Variants in UBXN11 observed in about 807,000 individuals in gnomAD.
The protein encoded by UBXN11 is UBX domain-containing protein 11.
Under a neutral mutation model 62.8 loss-of-function variants are expected in UBXN11, and 47 were observed. The ratio of observed to expected loss-of-function variants is 0.75; its 90% confidence interval spans 0.59 to 0.95. UBXN11 has a LOEUF of 0.95. UBXN11 is among the 40% of genes least tolerant of loss of function. The pLI is 0.00. For missense variants in UBXN11, 638 were observed against 661.7 expected, an observed-to-expected ratio of 0.96 and a Z score of 0.39; for synonymous variants, 294 against 267.0, an observed-to-expected ratio of 1.10 and a Z score of -0.99.
Position 26,282,668 on chromosome 1 carries a change from C to T in UBXN11, c.1273G>A (p.Ala425Thr), listed in dbSNP as rs1381314574. ...QPDNTIGDVR[A>T]LLAQARVMDA... ...ACCCACCTGGCCTGCGCTAGCAGAG[C>T]TCGCACGTCCCCAATGGTGTTGTCA... is the stretch of plus-strand genomic sequence containing the variant. The change falls in exon 14 of 15, where the codon GCT (alanine) becomes ACT (threonine). Residue 425 changes from alanine to threonine, a missense_variant. Physicochemically the swap from Ala to Thr is moderately conservative, Grantham distance 58. Coordinates refer to ENST00000374222, the MANE Select transcript of UBXN11 (RefSeq NM_001389556.1). 2 of 1,614,022 alleles carry T rather than the reference C, an allele frequency of 1.2e-6. No homozygotes were observed. Among genetic ancestry groups the T allele is most frequent in the Non-Finnish European group, 1.7e-6 (2 of 1,180,048 alleles).
rs1368541449 is a variant in UBXN11 at position 26,285,526 on chromosome 1, T to C, written c.790A>G (p.Ile264Val). ...DPSTQRCLRDILDGFFPSELQ... is the reference protein window; with the variant it reads ...DPSTQRCLRDVLDGFFPSELQ... ...TCTGAGGGAAAGAAGCCATCCAATA[T>C]GTCTCGGAGGCAGCGCTGCAAGGGA... Residue 264 changes from isoleucine to valine, a missense_variant, in exon 10 of 15, where the codon ATA becomes GTA. Ile to Val is a conservative substitution (Grantham distance 29, BLOSUM62 3). Coordinates refer to ENST00000374222, the MANE Select transcript of UBXN11 (RefSeq NM_001389556.1). The C allele has an allele frequency of 2.5e-6, 4 of 1,591,196 alleles. No homozygotes were observed. Among genetic ancestry groups the C allele is most frequent in the African/African-American group, 2.7e-5 (2 of 74,308 alleles).
Position 26,312,922 on chromosome 1 carries a change from T to C in UBXN11, c.-149+5125A>G, listed in dbSNP as rs919228028. Among the ~76,000 whole-genome samples the C allele has an allele frequency of 1.3e-4, 17 of 130,114 alleles. No homozygotes were observed. The Admixed American group carries it at 1.4e-3, about 11-fold the overall frequency. The allele number at this position is 130,114 out of a possible 152,430, so 85.4% of individuals were successfully genotyped here. A position where few individuals can be genotyped will look rare whatever the true frequency, so the allele number is the denominator to read the frequency against. On this transcript the variant is annotated intron_variant, in intron 1 of 14. Transcript: ENST00000374217. ...TGAACCTAGGAGGTGGAGGTTGCAG[T>C]GAACTGAGATCCCGCCATTGCACTC...
At chr1:26,283,047 A>G in intron 12 of UBXN11, 110 bp from the exon 13 acceptor site, 1 of 1,397,980 alleles carries the variant, frequency 7.2e-7, no homozygotes, top group Non-Finnish European at 1.0e-6. Context: ...CCAGTGAGCA[A>G]AGCGGGAGGG....
At chr1:26,300,787 G>A in intron 4 of UBXN11, 139 bp downstream of exon 4, 1 of 1,421,452 alleles carries the variant, frequency 7.0e-7, no homozygotes, top group Non-Finnish European at 9.4e-7. Flanking sequence ...CCAGGTCCCT[G>A]CCACAATCAG....
At chr1:26,292,380 G>A (rs1557683764) in intron 8 of UBXN11, among the ~76,000 whole-genome samples, 1 of 152,152 alleles carries the variant, frequency 6.6e-6, no homozygotes, top group Admixed American at 6.5e-5. Flanking sequence ...TCAGCTGGGT[G>A]TGGTGGCACG....
chr1:26,315,045 G>T (rs2073779117), intron 1 of UBXN11, among the ~76,000 whole-genome samples: 1 of 151,946 alleles, frequency 6.6e-6, no homozygotes, highest in African/African-American at 2.4e-5. Flanking sequence ...TGCACCACTT[G>T]TACTCCAGCC....
intron 7 of UBXN11, 81 bp downstream of exon 7, chr1:26,296,838 C>T (rs913810572): frequency 3.3e-5 from 48 of 1,452,346 alleles, no homozygotes; most frequent in African/African-American, 1.3e-4. Context: ...GAGGTGGGCT[C>T]GGACCCAGCT....
intron 1 of UBXN11, among the ~76,000 whole-genome samples, chr1:26,316,692 TGCA>T (rs2073798587): frequency 1.3e-5 from 2 of 152,096 alleles, no homozygotes; most frequent in African/African-American, 4.8e-5. Flanking sequence ...TAACACCTGC[TGCA>T]GGGCACCACA....
chr1:26,314,454 A>G (rs1162839457), intron 1 of UBXN11, among the ~76,000 whole-genome samples: 1 of 152,194 alleles, frequency 6.6e-6, no homozygotes, highest in Non-Finnish European at 1.5e-5. Context: ...CAAGTGGCAT[A>G]CTTTTAGGAG....
chr1:26,306,686 T>G (rs974758369), upstream of UBXN11: 1 of 152,146 alleles, frequency 6.6e-6, no homozygotes, highest in Non-Finnish European at 1.5e-5. Flanking sequence ...TTGGCTAGTT[T>G]GAGGGAGGCC....
At chr1:26,317,949 GAAGCCT>G in intron 1 of UBXN11, 1 of 1,411,470 alleles carries the variant, frequency 7.1e-7, no homozygotes, top group Admixed American at 1.8e-5. Flanking sequence ...TAAACCAAAA[GAAGCCT>G]CCAGACAGCC....
chr1:26,301,193 T>C, intron 3 of UBXN11, 169 bp from the exon 4 acceptor site: 3 of 1,352,802 alleles, frequency 2.2e-6, no homozygotes, highest in Non-Finnish European at 2.0e-6. Context: ...GGGGCTGTTT[T>C]GGAGTTCTTC....
chr1:26,297,296 C>A (rs2073417009), intron 6 of UBXN11, 131 bp downstream of exon 6: 1 of 1,115,896 alleles, frequency 9.0e-7, no homozygotes, highest in African/African-American at 1.6e-5. Context: ...GTGGGCTCAG[C>A]TGTCCAGACC....
chr1:26,318,000 C>T (rs549858396), intron 1 of UBXN11: 2 of 1,613,646 alleles, frequency 1.2e-6, no homozygotes, highest in African/African-American at 1.3e-5. Context: ...CCAAGACAGC[C>T]ACGAAGATCC....
At chr1:26,301,138 G>C (rs979158411) in intron 3 of UBXN11, 114 bp from the exon 4 acceptor site, 1 of 1,560,424 alleles carries the variant, frequency 6.4e-7, no homozygotes, top group East Asian at 2.3e-5. Context: ...GGGAGTTTGA[G>C]GAGAGAGAAT....
chr1:26,295,041 A>G (rs2073360691), intron 7 of UBXN11, among the ~76,000 whole-genome samples: 1 of 152,006 alleles, frequency 6.6e-6, no homozygotes. Context: ...CCAAATATAT[A>G]CGACAGAACC....
Position 26,296,959 on chromosome 1 carries a change from G to A in UBXN11, c.392C>T (p.Thr131Met), listed in dbSNP as rs371399320. ...CTGCCGCTGCAGCTGCACACACATC[G>A]TCTCCAGTTCCTCCTGCCGCTGCAG... Reference protein sequence around the residue: ...ATLQRQEELETMCVQLQRQVR... With the variant: ...ATLQRQEELEMMCVQLQRQVR... Residue 131 changes from threonine to methionine, a missense_variant, in exon 7 of 15, where the codon ACG becomes ATG. By Grantham distance (81) the Thr-to-Met change is moderately conservative (BLOSUM62 -1). Transcript: ENST00000374222. 2.2e-5 allele frequency: 35 copies of A among 1,607,676 alleles called. No homozygotes were observed. The highest frequency in any genetic ancestry group is 1.9e-4 in the African/African-American group (14 of 74,828).
intron 12 of UBXN11, 79 bp downstream of exon 12, chr1:26,284,063 G>C: frequency 7.1e-7 from 1 of 1,400,928 alleles, no homozygotes; most frequent in Non-Finnish European, 9.7e-7. Context: ...CTTCTGACAA[G>C]ACACTGTTCT....
At chr1:26,304,526 G>T (rs888159633) in intron 1 of UBXN11, among the ~76,000 whole-genome samples, 4 of 152,170 alleles carry the variant, frequency 2.6e-5, no homozygotes, top group Admixed American at 6.6e-5. Flanking sequence ...GCCGAGGAGG[G>T]TGGATCACCT....
Sources: allele counts gnomAD v4.1 joint callset (sites outside exome capture counted in the v4.1 genomes callset), GRCh38; gene constraint gnomAD v4.1.1; transcripts MANE v1.5; gene names NCBI Gene and HGNC (gene_info 2026-07-23, HGNC 2026-07-21).